Variants in B4GALT6 observed in about 807,000 individuals in gnomAD.
The protein encoded by B4GALT6 is UDP-Gal:beta-GlcNAc beta-1,4-galactosyltransferase 6.
A neutral mutation model predicts 46.3 loss-of-function variants in B4GALT6; 14 were observed. The ratio of observed to expected loss-of-function variants is 0.30; its 90% CI spans 0.20 to 0.47. B4GALT6 has a LOEUF of 0.47. B4GALT6 is among the 20% of genes least tolerant of loss of function. B4GALT6 has a pLI of 0.99. For missense variants in B4GALT6, 386 were observed against 480.1 expected, an observed-to-expected ratio of 0.80 and a Z score of 1.83; for synonymous variants, 168 against 162.0, an observed-to-expected ratio of 1.04 and a Z score of -0.28.
chr18:31,700,734 G>T, the B4GALT6 span, among the ~76,000 whole-genome samples: 1 of 152,096 alleles, frequency 6.6e-6, no homozygotes, highest in Non-Finnish European at 1.5e-5. Context: ...GGGATTGCAG[G>T]TGTGAGCCAC....
At chr18:31,641,339 A>G (rs1220712277) in intron 4 of B4GALT6, among the ~76,000 whole-genome samples, 1 of 152,254 alleles carries the variant, frequency 6.6e-6, no homozygotes, top group African/African-American at 2.4e-5. Flanking sequence ...GCAAATTCAA[A>G]TAAGCTAACC....
At chr18:31,650,528 G>A (rs754687860) in intron 3 of B4GALT6, among the ~76,000 whole-genome samples, 2 of 152,234 alleles carry the variant, frequency 1.3e-5, no homozygotes, top group Non-Finnish European at 2.9e-5. Flanking sequence ...ATGCTGGTAG[G>A]AGGTTTAAGC....
At chr18:31,637,393 T>TG (rs2073872971) in intron 5 of B4GALT6, among the ~76,000 whole-genome samples, 1 of 123,042 alleles carries the variant, frequency 8.1e-6, no homozygotes, top group Non-Finnish European at 1.7e-5. Flanking sequence ...ATGTATGCTT[T>TG]TTTTTTTTTT....
At position 31,625,683 on chromosome 18, in the gene B4GALT6, C is replaced by T; in HGVS notation, c.1080G>A (p.Leu360=). 6.2e-7 allele frequency: 1 copy of T among 1,613,580 alleles called. No homozygotes were observed. The highest frequency in any genetic ancestry group is 8.5e-7 in the Non-Finnish European group (1 of 1,179,748). ...ATATGTTTGTATACAACCTATCAACCAGTATTTTTGGCCTATATATTAAAT... is the reference window on the plus strand; with the variant it reads ...ATATGTTTGTATACAACCTATCAACTAGTATTTTTGGCCTATATATTAAAT... The part of the protein sequence containing the change: ...LNNLIYRPKI[L]VDRLYTNISV... Residue 360 remains leucine (L), a synonymous_variant, in exon 9 of 9, where the codon CTG becomes CTA. Transcript: ENST00000306851.
intron 3 of B4GALT6, among the ~76,000 whole-genome samples, chr18:31,646,806 C>T (rs954456010): frequency 6.6e-6 from 1 of 152,214 alleles, no homozygotes; most frequent in Non-Finnish European, 1.5e-5. Flanking sequence ...GTAGCCTCCA[C>T]GCAGGCATGC....
the B4GALT6 span, among the ~76,000 whole-genome samples, chr18:31,709,517 G>C: frequency 6.9e-6 from 1 of 145,746 alleles, no homozygotes; most frequent in African/African-American, 2.6e-5. Context: ...ATGTACCTTG[G>C]ATGAGAAGGG....
chr18:31,721,103 G>C, the B4GALT6 span, among the ~76,000 whole-genome samples: 2 of 150,970 alleles, frequency 1.3e-5, no homozygotes, highest in African/African-American at 4.9e-5. Context: ...GAAGTTCTTG[G>C]CAGAAGTTCT....
rs1196251811 is a variant in B4GALT6, at chr18:31,624,028, A to G, written c.*1586T>C. 1 of 152,086 alleles carries G rather than the reference A, an allele frequency of 6.6e-6. No individual in the cohort carries two copies. The highest frequency in any genetic ancestry group is 2.4e-5 in the African/African-American group (1 of 41,466). 9.4% of individuals were successfully genotyped at this position (152,086 alleles called of 1,614,324 possible). The stretch of plus-strand genomic sequence containing the variant: ...GTGAAAATATCAAGATATTTTAAAC[A>G]ATCTTTATAATTGCTAATTTTCAAA... On this transcript the variant is annotated 3_prime_UTR_variant, in exon 9 of 9. Transcript: ENST00000306851.
chr18:31,656,029 C>T (rs1003246562), intron 3 of B4GALT6, among the ~76,000 whole-genome samples: 4 of 152,090 alleles, frequency 2.6e-5, no homozygotes, highest in South Asian at 2.1e-4. Flanking sequence ...TTCTCAGGCC[C>T]GCTCCAGACC....
chr18:31,712,262 T>G, the B4GALT6 span, among the ~76,000 whole-genome samples: 45 of 151,242 alleles, frequency 3.0e-4, no homozygotes, highest in Non-Finnish European at 2.4e-4. Flanking sequence ...GTTGCCCTTG[T>G]TTTTTGCACT....
At chr18:31,656,855 C>G (rs1170613265) in intron 3 of B4GALT6, among the ~76,000 whole-genome samples, 1 of 152,068 alleles carries the variant, frequency 6.6e-6, no homozygotes, top group African/African-American at 2.4e-5. Flanking sequence ...AATAACCAAC[C>G]AGGAACTGAT....
chr18:31,658,295 G>A, intron 2 of B4GALT6: 8 of 467,446 alleles, frequency 1.7e-5, no homozygotes, highest in Non-Finnish European at 3.1e-5. Context: ...GACATCTAGA[G>A]AGCAGCACAC....
the B4GALT6 span, among the ~76,000 whole-genome samples, chr18:31,712,531 G>A: frequency 6.6e-6 from 1 of 151,960 alleles, no homozygotes; most frequent in Non-Finnish European, 1.5e-5. Flanking sequence ...TCGAACTCCT[G>A]ACCTCAAGTA....
intron 5 of B4GALT6, among the ~76,000 whole-genome samples, chr18:31,634,413 T>C (rs2073832021): frequency 6.6e-6 from 1 of 152,234 alleles, no homozygotes; most frequent in African/African-American, 2.4e-5. Context: ...GCCTACCTTC[T>C]GTGACAGCAC....
intron 1 of B4GALT6, among the ~76,000 whole-genome samples, chr18:31,671,896 C>T (rs897580556): frequency 2.6e-5 from 4 of 152,142 alleles, no homozygotes; most frequent in Non-Finnish European, 5.9e-5. Flanking sequence ...AGGGTAACAA[C>T]ATCAGAAAAA....
At chr18:31,684,893 T>G (rs2074527693), upstream of B4GALT6, among the ~76,000 whole-genome samples, 1 of 149,718 alleles carries the variant, frequency 6.7e-6, no homozygotes, top group Non-Finnish European at 1.5e-5. Context: ...CGAAGCCCCG[T>G]GCTTAAGGTC....
At chr18:31,642,208 C>T (rs1269681563) in intron 4 of B4GALT6, among the ~76,000 whole-genome samples, 1 of 152,086 alleles carries the variant, frequency 6.6e-6, no homozygotes, top group Non-Finnish European at 1.5e-5. Context: ...ATGGGGGTCT[C>T]ATTCTATAGC....
intron 5 of B4GALT6, among the ~76,000 whole-genome samples, chr18:31,633,649 C>T (rs895546802): frequency 5.3e-5 from 8 of 152,278 alleles, no homozygotes; most frequent in East Asian, 1.9e-4. Flanking sequence ...GTTCCTCAGC[C>T]GGCTGCTCTG....
the B4GALT6 span, among the ~76,000 whole-genome samples, chr18:31,721,884 G>C: frequency 1.8e-4 from 27 of 151,060 alleles, no homozygotes; most frequent in Middle Eastern, 3.4e-3. Context: ...CTCTCTCTGT[G>C]TGTGTATGTG....
Sources: gnomAD v4.1 joint callset for allele counts (sites outside exome capture counted in the v4.1 genomes callset) on GRCh38, gnomAD v4.1.1 for gene constraint, MANE v1.5 for transcripts, NCBI Gene and HGNC (gene_info 2026-07-23, HGNC 2026-07-21) for gene names.